The following VWDE variants were observed in gnomAD, a reference collection of about 807,000 sequenced individuals.
VWDE encodes the protein von Willebrand factor D and EGF domains.
Under a neutral mutation model 178.4 loss-of-function variants are expected in VWDE, and 207 were observed. The ratio of observed to expected loss-of-function variants is 1.16; its 90% CI spans 1.04 to 1.30. VWDE has a LOEUF of 1.30. Ranked by LOEUF, VWDE falls within the 50% of genes most tolerant of loss-of-function variation. The probability of loss-of-function intolerance (pLI) is 0.00; values close to 1 mark genes in which losing one functional copy is unlikely to be tolerated. For synonymous variants in VWDE, 738 were observed against 651.4 expected, an observed-to-expected ratio of 1.13 and a Z score of -2.02; for missense variants, 2,287 against 1,901.3, an observed-to-expected ratio of 1.20 and a Z score of -3.77.
intron 19 of VWDE, among the ~76,000 whole-genome samples, chr7:12,348,712 C>T (rs1170938525): frequency 6.7e-6 from 1 of 149,746 alleles, no homozygotes; most frequent in Non-Finnish European, 1.5e-5. Context: ...TTGACCCAGC[C>T]ATCCCATTAC....
intron 10 of VWDE, among the ~76,000 whole-genome samples, 190 bp downstream of exon 10, chr7:12,372,787 T>C (rs1434646230): frequency 6.6e-6 from 1 of 152,136 alleles, no homozygotes; most frequent in Non-Finnish European, 1.5e-5. Context: ...AGATTTTACA[T>C]GGTTTTAATG....
At chr7:12,389,403 C>A in intron 2 of VWDE, 45 bp from the exon 3 acceptor site, 7 of 1,388,378 alleles carry the variant, frequency 5.0e-6, no homozygotes, top group Non-Finnish European at 6.0e-6. Context: ...AGTTTATTTT[C>A]ATCCATTGTA....
In VWDE at chr7:12,391,155, TA is replaced by T. The variant is rs1234804780; in HGVS notation, c.244-1798del. On this transcript the variant is annotated intron_variant, in intron 2 of 28. Transcript: ENST00000275358. ...TAACATGAACATTACGAAATATAAATAAGATAAAACAATAGCAAAATGTTAA... is the reference window on the plus strand; with the variant it reads ...TAACATGAACATTACGAAATATAAATAGATAAAACAATAGCAAAATGTTAA... Among the ~76,000 whole-genome samples, 36 of 152,146 alleles carry T rather than the reference TA, an allele frequency of 2.4e-4. 1 individual carries two copies. Among genetic ancestry groups the T allele is most frequent in the African/African-American group, 8.7e-4 (36 of 41,454 alleles).
At chr7:12,335,443 TA>T (rs1780966172) in intron 27 of VWDE, among the ~76,000 whole-genome samples, 1 of 152,176 alleles carries the variant, frequency 6.6e-6, no homozygotes, top group African/African-American at 2.4e-5. Flanking sequence ...TTAGAGTGAC[TA>T]TTTTTTTTTT....
chr7:12,336,306 C>G, intron 26 of VWDE, 70 bp from the exon 27 acceptor site: 1 of 1,301,254 alleles, frequency 7.7e-7, no homozygotes. Context: ...ACCCACAAAA[C>G]TTTTCATTAG....
chr7:12,342,503 T>G (rs1306387148), intron 22 of VWDE, among the ~76,000 whole-genome samples: 1 of 152,122 alleles, frequency 6.6e-6, no homozygotes, highest in Non-Finnish European at 1.5e-5. Flanking sequence ...TCCTGTTTTC[T>G]CAAAGAAAGA....
chr7:12,388,884 C>T (rs1349948278), intron 3 of VWDE: 4 of 668,648 alleles, frequency 6.0e-6, no homozygotes, highest in Non-Finnish European at 1.1e-5. Flanking sequence ...ATCATTATGT[C>T]CAGTGGAAAA....
intron 19 of VWDE, 150 bp downstream of exon 19, chr7:12,351,423 A>C (rs1482362338): frequency 2.5e-6 from 2 of 784,470 alleles, no homozygotes; most frequent in African/African-American, 3.6e-5. Flanking sequence ...ATAGATTAGC[A>C]AGAGAAAGGA....
intron 12 of VWDE, among the ~76,000 whole-genome samples, chr7:12,369,133 G>A (rs2128555200): frequency 6.6e-6 from 1 of 152,220 alleles, no homozygotes; most frequent in African/African-American, 2.4e-5. Context: ...TATAAACACA[G>A]TGCTTTAAAA....
At position 12,388,948 on chromosome 7, in the gene VWDE, G is replaced by T. The variant is rs373363331; in HGVS notation, c.475+179C>A. ...CGTGTGGGGGGACTTTACAATCTTG[G>T]CAAAGAACCCTAAAGAAATTTGACC... On this transcript the variant is annotated intron_variant, in intron 3 of 28. Coordinates refer to ENST00000275358, the MANE Select transcript of VWDE (RefSeq NM_001135924.3). The T allele has an allele frequency of 3.1e-5, 22 of 716,738 alleles. No homozygotes were observed. The South Asian group carries it at 3.1e-4, about 10-fold the overall frequency. The allele number at this position is 716,738 out of a possible 1,614,324, so 44.4% of individuals were successfully genotyped here. A position where few individuals can be genotyped will look rare whatever the true frequency, so the allele number is the denominator to read the frequency against.
chr7:12,334,414 A>G (rs149033825), intron 27 of VWDE, among the ~76,000 whole-genome samples: 48 of 151,592 alleles, frequency 3.2e-4, no homozygotes, highest in African/African-American at 1.2e-3. Context: ...TACACATTCA[A>G]GAATAATTTG....
rs533312415 is a variant in VWDE, at chr7:12,369,588, C to T, written c.2718G>A (p.Ala906=). ...GNGQCMEWGC[A]CSPSFSSYDC... ...CATAGGAACTAAAGCTTGGGGAACA[C>T]GCACACCCCCATTCCATGCACTGCC... The change falls in exon 12 of 29, where the codon GCG becomes GCA. Residue 906 remains alanine (A), a synonymous_variant. Transcript: ENST00000275358. 199 of 1,548,450 alleles carry T rather than the reference C, an allele frequency of 1.3e-4. No homozygotes were observed. The highest frequency in any genetic ancestry group is 1.2e-3 in the South Asian group (97 of 83,854).
intron 27 of VWDE, 56 bp downstream of exon 27, chr7:12,336,085 A>G: frequency 1.4e-6 from 2 of 1,425,076 alleles, no homozygotes; most frequent in Non-Finnish European, 9.6e-7. Context: ...TACTTTAATT[A>G]TTATAACAGA....
chr7:12,360,176 T>C (rs530725335), intron 15 of VWDE, among the ~76,000 whole-genome samples: 72 of 152,258 alleles, frequency 4.7e-4, no homozygotes, highest in Non-Finnish European at 8.8e-4. Flanking sequence ...ATAATGGATA[T>C]CATTACACCA....
At position 12,351,677 on chromosome 7, in the gene VWDE, G is replaced by C. The variant is rs1583290831; in HGVS notation, c.3782C>G (p.Thr1261Ser). Residue 1261 changes from threonine to serine, a missense_variant, in exon 19 of 29, where the codon ACT (threonine) becomes AGT (serine). Thr to Ser is a moderately conservative substitution (Grantham distance 58). Transcript: ENST00000275358. ...TTTATCAGATCTTGTGAGAACCACA[G>C]TTTGTGTAGTAAATTGATTTACAAA... ...TQFVNQFTTQ[T>S]VVLTRSDKSV... 6.5e-7 allele frequency: 1 copy of C among 1,548,746 alleles called. No individual in the cohort carries two copies. Among genetic ancestry groups the C allele is most frequent in the Non-Finnish European group, 8.7e-7 (1 of 1,145,852 alleles).
rs1781253184 is a variant in VWDE at position 12,340,261 on chromosome 7, G to T, written c.4366+61C>A. The T allele has an allele frequency of 3.9e-6, 5 of 1,290,364 alleles. No homozygotes were observed. The East Asian group carries it at 1.3e-4, about 33-fold the overall frequency. 79.9% of individuals were successfully genotyped at this position (1,290,364 alleles called of 1,614,324 possible). On this transcript the variant is annotated intron_variant, in intron 24 of 28. Transcript: ENST00000275358. ...TTGAAACTTGTCTCATGTTTACTCA[G>T]AGCTCTGTTGATATCTAACTTTCCA...
chr7:12,394,741 A>G (rs1784547612), intron 1 of VWDE, among the ~76,000 whole-genome samples: 1 of 152,204 alleles, frequency 6.6e-6, no homozygotes, highest in Non-Finnish European at 1.5e-5. Flanking sequence ...GATGGAAAAC[A>G]CTGTAATAAA....
At position 12,375,037 on chromosome 7, in the gene VWDE, C is replaced by T; in HGVS notation, c.1215G>A (p.Trp405Ter). 1 of 1,551,084 alleles carries T rather than the reference C, an allele frequency of 6.4e-7. No individual in the cohort carries two copies. Among genetic ancestry groups the T allele is most frequent in the Non-Finnish European group, 8.7e-7 (1 of 1,146,594 alleles). The change falls in exon 8 of 29, where the codon TGG becomes TGA. Residue 405 changes from tryptophan to a stop codon, truncating the protein, a stop_gained. Transcript: ENST00000275358. LOFTEE classifies it high-confidence loss of function. ...GGATGCTGTCTGGAATGTAGTTGTT[C>T]CACAGGAAATCCTCATTAACTATTG... The part of the protein sequence containing the change: ...VQPIVNEDFL[W>*]NNYIPDSIQI...
At chr7:12,332,585 A>C (rs532195547) in intron 28 of VWDE, among the ~76,000 whole-genome samples, 1 of 152,308 alleles carries the variant, frequency 6.6e-6, no homozygotes, top group Admixed American at 6.5e-5. Context: ...GCTGCCTTCA[A>C]ACCCAAGGAA....
Sources: gnomAD v4.1 joint callset for allele counts (sites outside exome capture counted in the v4.1 genomes callset) on GRCh38, gnomAD v4.1.1 for gene constraint, MANE v1.5 for transcripts, NCBI Gene and HGNC (gene_info 2026-07-23, HGNC 2026-07-21) for gene names.